Variants in COL6A5 observed in about 807,000 individuals in gnomAD.
COL6A5 encodes the protein collagen alpha-5(VI) chain.
In COL6A5, 48 loss-of-function variants were observed where a neutral mutation model predicts 65.6. The observed-to-expected ratio is 0.73, with a 90% CI of 0.58 to 0.93. The LOEUF (loss-of-function observed/expected upper bound fraction) is 0.93. Ranked by LOEUF, COL6A5 falls within the 40% of genes least tolerant of loss-of-function variation. The pLI, the probability that COL6A5 is intolerant of heterozygous loss-of-function variation, is 0.00. For synonymous variants in COL6A5, 291 were observed against 322.8 expected (o/e 0.90, Z 1.05); for missense variants, 914 against 928.3 (o/e 0.98, Z 0.20).
intron 1 of COL6A5, among the ~76,000 whole-genome samples, chr3:130,362,088 T>C (rs1935127862): frequency 6.6e-6 from 1 of 151,870 alleles, no homozygotes; most frequent in African/African-American, 2.4e-5. Flanking sequence ...AATTATTTTT[T>C]TTCATGGATC....
intron 5 of COL6A5, among the ~76,000 whole-genome samples, chr3:130,461,677 T>TA (rs1313773009): frequency 6.6e-6 from 1 of 152,058 alleles, no homozygotes; most frequent in Non-Finnish European, 1.5e-5. Flanking sequence ...GAATATAAAC[T>TA]AAATCATGTA....
chr3:130,387,384 A>G (rs1271935782), intron 5 of COL6A5, among the ~76,000 whole-genome samples: 1 of 152,146 alleles, frequency 6.6e-6, no homozygotes, highest in Non-Finnish European at 1.5e-5. Context: ...AATAGATACC[A>G]GGAAGTAGAT....
chr3:130,416,333 G>A (rs979183578), intron 23 of COL6A5, among the ~76,000 whole-genome samples: 5 of 152,076 alleles, frequency 3.3e-5, no homozygotes, highest in East Asian at 3.9e-4. Context: ...TGAAAGACAC[G>A]TCTGCCCATT....
At chr3:130,382,223 C>A (rs1020323757) in intron 4 of COL6A5, among the ~76,000 whole-genome samples, 1 of 151,952 alleles carries the variant, frequency 6.6e-6, no homozygotes, top group Non-Finnish European at 1.5e-5. Flanking sequence ...GGAAAACAAA[C>A]AAACAAACAA....
At chr3:130,378,886 T>C (rs1449557931) in intron 3 of COL6A5, among the ~76,000 whole-genome samples, 1 of 152,160 alleles carries the variant, frequency 6.6e-6, no homozygotes, top group African/African-American at 2.4e-5. Flanking sequence ...CTTATTACTG[T>C]GTGAAATAAT....
At chr3:130,425,780 C>T (rs1383121243) in intron 29 of COL6A5, among the ~76,000 whole-genome samples, 1 of 152,136 alleles carries the variant, frequency 6.6e-6, no homozygotes, top group African/African-American at 2.4e-5. Flanking sequence ...CTGTGCTTTA[C>T]ACTCTTGATG....
intron 8 of COL6A5, 87 bp from the exon 9 acceptor site, chr3:130,397,496 G>A: frequency 4.0e-6 from 4 of 1,008,254 alleles, no homozygotes; most frequent in Non-Finnish European, 5.8e-6. Flanking sequence ...CTAGCTCTGG[G>A]GCATGACAGT....
intron 1 of COL6A5, among the ~76,000 whole-genome samples, chr3:130,365,792 T>C (rs1032636798): frequency 1.3e-5 from 2 of 152,082 alleles, no homozygotes; most frequent in African/African-American, 2.4e-5. Context: ...ACCAGGAGTG[T>C]TTAAAAAAAT....
intron 2 of COL6A5, 51 bp downstream of exon 34, chr3:130,439,666 A>G (rs1019886469): frequency 3.3e-6 from 4 of 1,218,016 alleles, no homozygotes; most frequent in Middle Eastern, 1.9e-4. Context: ...AATGCCTTCT[A>G]GATGAGTTAT....
At chr3:130,401,910 G>A in intron 12 of COL6A5, 56 bp downstream of exon 12, 1 of 1,261,950 alleles carries the variant, frequency 7.9e-7, no homozygotes. Context: ...GGTACAGGTG[G>A]GACTGAGACT....
chr3:130,400,409 A>G (rs188222107), intron 10 of COL6A5, among the ~76,000 whole-genome samples: 31 of 152,372 alleles, frequency 2.0e-4, no homozygotes, highest in South Asian at 6.2e-4. Flanking sequence ...TGATTAATAC[A>G]TAATAGGCTC....
chr3:130,391,965 T>C (rs1048994379), intron 7 of COL6A5, among the ~76,000 whole-genome samples: 1 of 152,188 alleles, frequency 6.6e-6, no homozygotes, highest in African/African-American at 2.4e-5. Context: ...GAAGAGATTA[T>C]ACAGGAAAGT....
At chr3:130,375,799 A>G (rs79862799) in intron 2 of COL6A5, among the ~76,000 whole-genome samples, 1 of 152,054 alleles carries the variant, frequency 6.6e-6, no homozygotes, top group African/African-American at 2.4e-5. Flanking sequence ...ATGAGAACTC[A>G]TGAGACTCTC....
chr3:130,438,775 C>T (rs1018476558), intron 1 of COL6A5, among the ~76,000 whole-genome samples: 3 of 152,120 alleles, frequency 2.0e-5, no homozygotes, highest in Non-Finnish European at 4.4e-5. Flanking sequence ...ATAAAAGTAT[C>T]TGTTTTGCAT....
chr3:130,469,031 C>A, exon 6 of COL6A5: 1 of 1,612,894 alleles, frequency 6.2e-7, no homozygotes, highest in Non-Finnish European at 8.5e-7. Flanking sequence ...GAGCTACTCT[C>A]CTCCAGGCTA....
intron 4 of COL6A5, among the ~76,000 whole-genome samples, chr3:130,449,759 G>A (rs188913): frequency 0.83 from 126,493 of 152,090 alleles, 54,161 homozygotes; most frequent in Non-Finnish European, 0.93. Context: ...GTTTAAAACG[G>A]TATTAGGTAG....
At chr3:130,362,439 T>A (rs1160096539) in intron 1 of COL6A5, among the ~76,000 whole-genome samples, 3 of 151,534 alleles carry the variant, frequency 2.0e-5, no homozygotes, top group African/African-American at 7.3e-5. Context: ...AAAGACCAGT[T>A]GACTGTATTT....
chr3:130,346,688 G>A (rs1374948957), intron 1 of COL6A5, among the ~76,000 whole-genome samples: 2 of 152,238 alleles, frequency 1.3e-5, no homozygotes, highest in East Asian at 1.9e-4. Context: ...AGCTGGTAGC[G>A]TGTTATTTCT....
chr3:130,359,466 G>GA (rs1318698051), intron 1 of COL6A5, among the ~76,000 whole-genome samples: 3 of 151,256 alleles, frequency 2.0e-5, no homozygotes, highest in Admixed American at 2.0e-4. Flanking sequence ...CTCACACAAG[G>GA]AAAAAAATGT....
Sources: gnomAD v4.1 joint callset for allele counts (sites outside exome capture counted in the v4.1 genomes callset) on GRCh38, gnomAD v4.1.1 for gene constraint, MANE v1.5 for transcripts, NCBI Gene and HGNC (gene_info 2026-07-23, HGNC 2026-07-21) for gene names.